SCD5: variants seen among roughly 807,000 people sequenced by gnomAD.
SCD5 encodes the protein acyl-CoA-desaturase 4.
In SCD5, 20 loss-of-function variants were observed where a neutral mutation model predicts 30.4. That is an observed-to-expected ratio of 0.66 (90% CI 0.46 to 0.96). SCD5 has a LOEUF of 0.96. Among genes scored for constraint, SCD5 ranks in the 40% least tolerant of loss-of-function variants. SCD5 has a pLI of 0.00. For synonymous variants in SCD5, 173 were observed against 176.4 expected (o/e 0.98, Z 0.16); for missense variants, 381 against 443.3 (o/e 0.86, Z 1.26).
intron 1 of SCD5, among the ~76,000 whole-genome samples, chr4:82,766,691 T>A (rs1721494155): frequency 6.6e-6 from 1 of 152,264 alleles, no homozygotes; most frequent in Admixed American, 6.5e-5. Context: ...GAGTGCTGCA[T>A]ATTTTTTGTG....
At chr4:82,633,052 G>A (rs1231014652) in intron 4 of SCD5, among the ~76,000 whole-genome samples, 1 of 152,128 alleles carries the variant, frequency 6.6e-6, no homozygotes, top group Non-Finnish European at 1.5e-5. Context: ...GTTATTGACT[G>A]TAGTCACTAT....
At chr4:82,795,809 CAAAA>C (rs72115040) in intron 1 of SCD5, among the ~76,000 whole-genome samples, 2 of 43,910 alleles carry the variant, frequency 4.6e-5, no homozygotes, top group African/African-American at 8.8e-5. Flanking sequence ...CCCTGTCTCA[CAAAA>C]AAAAAAAAAA....
intron 1 of SCD5, among the ~76,000 whole-genome samples, chr4:82,748,494 G>A (rs1721039724): frequency 6.6e-6 from 1 of 152,100 alleles, no homozygotes; most frequent in Admixed American, 6.6e-5. Flanking sequence ...ATAATCAATG[G>A]GCAATGGTGT....
chr4:82,680,948 AC>A, intron 2 of SCD5, 36 bp from the exon 3 acceptor site: 1 of 1,583,650 alleles, frequency 6.3e-7, no homozygotes. Context: ...GAAGAGAGGA[AC>A]CGCACCGCCG....
intron 1 of SCD5, among the ~76,000 whole-genome samples, chr4:82,720,148 G>A (rs1037238550): frequency 2.0e-5 from 3 of 152,002 alleles, no homozygotes; most frequent in East Asian, 1.9e-4. Context: ...AAAGAGAAAC[G>A]GCCAGGCACA....
intron 1 of SCD5, among the ~76,000 whole-genome samples, chr4:82,785,048 G>C (rs1242737742): frequency 6.6e-6 from 1 of 152,224 alleles, no homozygotes; most frequent in Non-Finnish European, 1.5e-5. Flanking sequence ...ACTTCTTCCA[G>C]TTCTCATGGG....
intron 3 of SCD5, among the ~76,000 whole-genome samples, chr4:82,662,961 G>C (rs1426236876): frequency 6.6e-6 from 1 of 151,118 alleles, no homozygotes; most frequent in African/African-American, 2.4e-5. Flanking sequence ...CATTAAACTA[G>C]AAAGATTTTA....
At chr4:82,657,782 T>C (rs1727894962) in intron 3 of SCD5, among the ~76,000 whole-genome samples, 1 of 152,192 alleles carries the variant, frequency 6.6e-6, no homozygotes, top group Admixed American at 6.5e-5. Context: ...CCTTGAACAG[T>C]GGTTTGTAGT....
intron 3 of SCD5, among the ~76,000 whole-genome samples, chr4:82,653,449 T>C (rs1031035951): frequency 3.3e-5 from 5 of 152,180 alleles, no homozygotes; most frequent in Non-Finnish European, 5.9e-5. Context: ...CTGGAAACAC[T>C]TGACCTTCAG....
In SCD5 at chr4:82,798,229, G is replaced by A. The variant is rs1722271630; in HGVS notation, c.232+77C>T. ...CGCTGCGCACCGCCCGCAGCCGAGGGGCGAGCGGCGACCTCGCGCGCCCCA... is the reference window on the plus strand; with the variant it reads ...CGCTGCGCACCGCCCGCAGCCGAGGAGCGAGCGGCGACCTCGCGCGCCCCA... On this transcript the variant is annotated intron_variant, in intron 1 of 4. Coordinates refer to ENST00000319540, the MANE Select transcript of SCD5 (RefSeq NM_001037582.3). The A allele has an allele frequency of 4.0e-6, 5 of 1,239,458 alleles. No homozygotes were observed. In the South Asian group the frequency reaches 9.4e-5, roughly 23 times the overall value. The allele number at this position is 1,239,458 out of a possible 1,614,324, so 76.8% of individuals were successfully genotyped here. A position where few individuals can be genotyped will look rare whatever the true frequency, so the allele number is the denominator to read the frequency against.
chr4:82,715,055 G>C (rs2148830459), intron 1 of SCD5, among the ~76,000 whole-genome samples: 1 of 151,436 alleles, frequency 6.6e-6, no homozygotes, highest in African/African-American at 2.4e-5. Flanking sequence ...TGGCCAACAT[G>C]ATGAAACCCC....
At chr4:82,788,523 T>G (rs560699946) in intron 1 of SCD5, among the ~76,000 whole-genome samples, 1 of 152,194 alleles carries the variant, frequency 6.6e-6, no homozygotes, top group Non-Finnish European at 1.5e-5. Flanking sequence ...CCCGAGTAAC[T>G]GGGATTACAA....
At chr4:82,777,730 C>T (rs1721773905) in intron 1 of SCD5, among the ~76,000 whole-genome samples, 1 of 152,182 alleles carries the variant, frequency 6.6e-6, no homozygotes, top group African/African-American at 2.4e-5. Flanking sequence ...ATTCCCCATT[C>T]CCAACCATGG....
At position 82,798,768 on chromosome 4, in the gene SCD5, T is replaced by G. The variant is rs371430027; in HGVS notation, c.-231A>C. 559 of 471,664 alleles carry G rather than the reference T, an allele frequency of 1.2e-3. No homozygotes were observed. The highest frequency in any genetic ancestry group is 0.01 in the African/African-American group (501 of 48,130). 29.2% of individuals were successfully genotyped at this position (471,664 alleles called of 1,614,324 possible). On this transcript the variant is annotated 5_prime_UTR_variant, in exon 1 of 5. Coordinates refer to ENST00000319540, the MANE Select transcript of SCD5 (RefSeq NM_001037582.3). ...GTCTGTTGCTGGCGTATCCCCCATA[T>G]GGCTGCCCGGGCTGAACTCGGCCGC...
intron 1 of SCD5, among the ~76,000 whole-genome samples, chr4:82,735,149 G>A (rs1044469803): frequency 6.6e-5 from 10 of 152,328 alleles, no homozygotes; most frequent in African/African-American, 1.9e-4. Flanking sequence ...TTGTTACAAT[G>A]TTGATGAGAT....
At chr4:82,768,445 T>G (rs1721539387) in intron 1 of SCD5, among the ~76,000 whole-genome samples, 1 of 152,062 alleles carries the variant, frequency 6.6e-6, no homozygotes, top group Non-Finnish European at 1.5e-5. Flanking sequence ...TGACCAAAAA[T>G]TAGGAAGAAT....
At chr4:82,774,309 C>T (rs1298301421) in intron 1 of SCD5, among the ~76,000 whole-genome samples, 2 of 151,848 alleles carry the variant, frequency 1.3e-5, no homozygotes, top group East Asian at 3.9e-4. Flanking sequence ...AAAAAAAATC[C>T]ATGATCCACA....
chr4:82,753,379 G>C (rs756216988), intron 1 of SCD5: 2 of 533,622 alleles, frequency 3.7e-6, no homozygotes, highest in Non-Finnish European at 7.7e-6. Context: ...TCATTGTGCA[G>C]ACAGCCTGAG....
intron 1 of SCD5, among the ~76,000 whole-genome samples, chr4:82,717,748 T>G (rs4569744): frequency 0.6 from 90,056 of 151,048 alleles, 28,770 homozygotes; most frequent in African/African-American, 0.82. Flanking sequence ...AAACCCCATC[T>G]CTACTAAAAA....
Sources: gnomAD v4.1 joint callset for allele counts (sites outside exome capture counted in the v4.1 genomes callset) on GRCh38, gnomAD v4.1.1 for gene constraint, MANE v1.5 for transcripts, NCBI Gene and HGNC (gene_info 2026-07-23, HGNC 2026-07-21) for gene names.